The following NR3C2 variants were observed in gnomAD, a reference collection of about 807,000 sequenced individuals.
NR3C2 encodes the protein nuclear receptor subfamily 3 group C member 2.
Under a neutral mutation model 86.4 loss-of-function variants are expected in NR3C2, and 15 were observed. The observed-to-expected ratio is 0.17, with a 90% CI of 0.12 to 0.27. NR3C2 has a LOEUF of 0.27. Among genes scored for constraint, NR3C2 ranks in the 10% least tolerant of loss-of-function variants. The pLI is 1.00. For missense variants in NR3C2, 960 were observed against 1,195.6 expected, an observed-to-expected ratio of 0.80 and a Z score of 2.91; for synonymous variants, 458 against 450.5, an observed-to-expected ratio of 1.02 and a Z score of -0.21.
chr4:148,138,812 C>T (rs961542554), intron 6 of NR3C2, among the ~76,000 whole-genome samples: 4 of 152,172 alleles, frequency 2.6e-5, no homozygotes, highest in African/African-American at 9.7e-5. Flanking sequence ...AGAGGTGGAG[C>T]CTAATAACCG....
intron 2 of NR3C2, among the ~76,000 whole-genome samples, chr4:148,333,536 T>TAAAAAAAAAAAAAAGA (rs372805275): frequency 0.066 from 10,056 of 151,410 alleles, 465 homozygotes; most frequent in Middle Eastern, 0.11. Flanking sequence ...AAAGTCTCCT[T>TAAAAAAAAAAAAAAGA]AAAATCTCCC....
intron 2 of NR3C2, among the ~76,000 whole-genome samples, chr4:148,303,584 G>A (rs771726119): frequency 3.9e-5 from 6 of 152,026 alleles, no homozygotes; most frequent in Non-Finnish European, 7.4e-5. Context: ...TTAGTATTCA[G>A]CTTATGATAA....
At chr4:148,221,392 CTT>C (rs908745935) in intron 3 of NR3C2, among the ~76,000 whole-genome samples, 55 of 152,258 alleles carry the variant, frequency 3.6e-4, no homozygotes, top group African/African-American at 1.3e-3. Flanking sequence ...GAAAAGGACT[CTT>C]TAATTATCAT....
Position 148,242,845 on chromosome 4 carries a change from A to G in NR3C2, c.1897+17133T>C, listed in dbSNP as rs531879612. Among the ~76,000 whole-genome samples the G allele has an allele frequency of 3.9e-5, 6 of 152,272 alleles. No individual in the cohort carries two copies. In the East Asian group the frequency reaches 7.7e-4, roughly 20 times the overall value. On this transcript the variant is annotated intron_variant, in intron 3 of 8. Transcript: ENST00000358102. Reference sequence around the variant, plus strand: ...TCAGTGAGTGAACTGCTATCACATTAAGCTTCAAACATTTGATTTTCCAAG... The same window carrying G: ...TCAGTGAGTGAACTGCTATCACATTGAGCTTCAAACATTTGATTTTCCAAG...
At chr4:148,439,956 C>T (rs1020888157) in intron 1 of NR3C2, among the ~76,000 whole-genome samples, 1 of 152,208 alleles carries the variant, frequency 6.6e-6, no homozygotes, top group African/African-American at 2.4e-5. Context: ...TCCTGTTTGG[C>T]TAACCTTGAA....
Position 148,286,722 on chromosome 4 carries a change from T to TA in NR3C2, c.1758-26606dup, listed in dbSNP as rs1045640639. 5.3e-5 allele frequency among the ~76,000 whole-genome samples: 8 copies of TA among 152,228 alleles called. No homozygotes were observed. The South Asian group carries it at 6.2e-4, about 12-fold the overall frequency. On this transcript the variant is annotated intron_variant, in intron 2 of 8. Transcript: ENST00000358102. ...TAAGGCAAGGGATGAGATACAGGGT[T>TA]AAAAAAATGCTTCTATGATTGTACA...
intron 2 of NR3C2, among the ~76,000 whole-genome samples, chr4:148,290,678 T>C (rs1351830267): frequency 2.0e-5 from 3 of 152,232 alleles, no homozygotes; most frequent in Non-Finnish European, 4.4e-5. Flanking sequence ...AAATGGTCAA[T>C]GTCCTTTGAA....
intron 8 of NR3C2, among the ~76,000 whole-genome samples, chr4:148,088,410 G>T (rs946050400): frequency 6.6e-6 from 1 of 152,152 alleles, no homozygotes; most frequent in Non-Finnish European, 1.5e-5. Flanking sequence ...AAAGACACAT[G>T]CAGAGGTATG....
chr4:148,262,796 G>A (rs939283961), intron 2 of NR3C2, among the ~76,000 whole-genome samples: 6 of 152,134 alleles, frequency 3.9e-5, no homozygotes, highest in Non-Finnish European at 7.4e-5. Flanking sequence ...CAGGGAGTCC[G>A]TGCTTGGGCT....
chr4:148,416,315 T>G (rs1208463676), intron 2 of NR3C2, among the ~76,000 whole-genome samples: 1 of 152,220 alleles, frequency 6.6e-6, no homozygotes, highest in African/African-American at 2.4e-5. Context: ...AATAATAATA[T>G]AGCAAATACA....
At chr4:148,187,221 G>A (rs1046255062) in intron 4 of NR3C2, among the ~76,000 whole-genome samples, 2 of 151,638 alleles carry the variant, frequency 1.3e-5, no homozygotes, top group African/African-American at 4.8e-5. Context: ...TTTCCTCTGG[G>A]TAGATACCCA....
chr4:148,142,716 G>C (rs923899091), intron 6 of NR3C2, among the ~76,000 whole-genome samples: 1 of 152,142 alleles, frequency 6.6e-6, no homozygotes, highest in African/African-American at 2.4e-5. Context: ...GGCTGGTCTT[G>C]AACTCCTGAG....
chr4:148,161,516 A>AT (rs1051958200), intron 4 of NR3C2, among the ~76,000 whole-genome samples: 4 of 151,794 alleles, frequency 2.6e-5, no homozygotes, highest in East Asian at 1.9e-4. Context: ...CACCTGGCTA[A>AT]TTTTTTTTAA....
At chr4:148,380,805 T>G (rs1322291761) in intron 2 of NR3C2, among the ~76,000 whole-genome samples, 1 of 152,198 alleles carries the variant, frequency 6.6e-6, no homozygotes, top group South Asian at 2.1e-4. Flanking sequence ...CTTGTATAAT[T>G]TTGCTTACAT....
intron 2 of NR3C2, among the ~76,000 whole-genome samples, chr4:148,347,783 T>C (rs1293937442): frequency 6.6e-6 from 1 of 152,090 alleles, no homozygotes; most frequent in Non-Finnish European, 1.5e-5. Context: ...CATTCCTTCA[T>C]AGTAATAATA....
At chr4:148,292,622 G>T (rs547475467) in intron 2 of NR3C2, among the ~76,000 whole-genome samples, 1 of 152,206 alleles carries the variant, frequency 6.6e-6, no homozygotes, top group Admixed American at 6.5e-5. Context: ...TCCATTCCAT[G>T]TTGGTGGCCA....
rs191094643 is a variant in NR3C2, at chr4:148,263,023, G to C, written c.1758-2906C>G. Among the ~76,000 whole-genome samples the C allele has an allele frequency of 2.0e-5, 3 of 152,214 alleles. No homozygotes were observed. In the East Asian group the frequency reaches 5.8e-4, roughly 29 times the overall value. On this transcript the variant is annotated intron_variant, in intron 2 of 8. Coordinates refer to ENST00000358102, the MANE Select transcript of NR3C2 (RefSeq NM_000901.5). ...TGATCTTCTGGTTTCTCTTTGCTCTGTTCCCTGCCACCATCTCCACTCCCT... is the reference window on the plus strand; with the variant it reads ...TGATCTTCTGGTTTCTCTTTGCTCTCTTCCCTGCCACCATCTCCACTCCCT...
At chr4:148,383,674 C>T (rs77635559) in intron 2 of NR3C2, among the ~76,000 whole-genome samples, 6,114 of 152,100 alleles carry the variant, frequency 0.04, 390 homozygotes, top group African/African-American at 0.14. Context: ...ACCTTTTGGA[C>T]GGGCGCAGTG....
At chr4:148,414,774 C>T (rs2126582722) in intron 2 of NR3C2, among the ~76,000 whole-genome samples, 1 of 152,150 alleles carries the variant, frequency 6.6e-6, no homozygotes, top group South Asian at 2.1e-4. Flanking sequence ...TACCTTTTGC[C>T]TTATAAAATA....
Sources: allele counts gnomAD v4.1 joint callset (sites outside exome capture counted in the v4.1 genomes callset), GRCh38; gene constraint gnomAD v4.1.1; transcripts MANE v1.5; gene names NCBI Gene and HGNC (gene_info 2026-07-23, HGNC 2026-07-21).